The following EXOC6 variants were observed in gnomAD, a reference collection of about 807,000 sequenced individuals.
The protein encoded by EXOC6 is SEC15-like 1.
In EXOC6, 60 loss-of-function variants were observed where a neutral mutation model predicts 112.5. The ratio of observed to expected loss-of-function variants is 0.53; its 90% CI spans 0.43 to 0.66. The LOEUF (loss-of-function observed/expected upper bound fraction) is 0.66. Among genes scored for constraint, EXOC6 ranks in the 30% least tolerant of loss-of-function variants. The pLI is 0.00. For synonymous variants in EXOC6, 295 were observed against 308.0 expected (o/e 0.96, Z 0.44); for missense variants, 855 against 957.1 (o/e 0.89, Z 1.41).
intron 1 of EXOC6, among the ~76,000 whole-genome samples, chr10:92,837,962 G>A (rs1340089545): frequency 6.6e-6 from 1 of 152,188 alleles, no homozygotes; most frequent in African/African-American, 2.4e-5. Context: ...CCTGAACTCT[G>A]TTAGCTTCCT....
intron 20 of EXOC6, among the ~76,000 whole-genome samples, chr10:93,031,868 G>C (rs188761326): frequency 6.7e-4 from 102 of 152,038 alleles, no homozygotes; most frequent in African/African-American, 2.2e-3. Flanking sequence ...TCATAGATTT[G>C]TTTTCTAATA....
At chr10:92,860,532 A>T (rs1847865191) in intron 1 of EXOC6, among the ~76,000 whole-genome samples, 1 of 152,080 alleles carries the variant, frequency 6.6e-6, no homozygotes, top group African/African-American at 2.4e-5. Context: ...AAGTGCTGGG[A>T]TGACAGGCGT....
At chr10:92,861,794 T>C (rs537225673) in intron 1 of EXOC6, among the ~76,000 whole-genome samples, 1 of 152,352 alleles carries the variant, frequency 6.6e-6, no homozygotes, top group East Asian at 1.9e-4. Flanking sequence ...TTTTCCTGTA[T>C]GCTCTTAGGA....
At chr10:92,906,647 T>A (rs965741795) in intron 5 of EXOC6, among the ~76,000 whole-genome samples, 13 of 152,194 alleles carry the variant, frequency 8.5e-5, no homozygotes, top group African/African-American at 2.2e-4. Flanking sequence ...TATAAGGACA[T>A]CATTACCTTA....
rs144527828 is a variant in EXOC6, at chr10:92,993,677, A to G, written c.1954-3797A>G. On this transcript the variant is annotated intron_variant, in intron 18 of 21. Coordinates refer to ENST00000260762, the MANE Select transcript of EXOC6 (RefSeq NM_019053.6). ...TGTGTTTTTACCTTGTTATTTTATG[A>G]TATTTCACAGGAAACAGAGTGTCTT... Among the ~76,000 whole-genome samples the G allele has an allele frequency of 7.9e-5, 12 of 152,296 alleles. No homozygotes were observed. The East Asian group carries it at 2.3e-3, about 29-fold the overall frequency.
At chr10:92,871,385 C>T (rs1196559870) in intron 1 of EXOC6, among the ~76,000 whole-genome samples, 1 of 150,078 alleles carries the variant, frequency 6.7e-6, no homozygotes, top group Non-Finnish European at 1.5e-5. Flanking sequence ...ACCAGATTAG[C>T]TGGACACCTG....
chr10:92,924,901 A>T (rs923610752), intron 8 of EXOC6, among the ~76,000 whole-genome samples: 2 of 152,132 alleles, frequency 1.3e-5, no homozygotes, highest in African/African-American at 4.8e-5. Context: ...GCTCCCACTG[A>T]TGAGTGAGAA....
At chr10:93,010,549 A>T (rs544010529) in intron 19 of EXOC6, among the ~76,000 whole-genome samples, 5 of 152,010 alleles carry the variant, frequency 3.3e-5, no homozygotes, top group Non-Finnish European at 5.9e-5. Flanking sequence ...AAATACAAAA[A>T]TTAGCCGGGC....
intron 19 of EXOC6, among the ~76,000 whole-genome samples, chr10:92,998,122 A>G (rs906335473): frequency 2.0e-5 from 3 of 152,162 alleles, no homozygotes; most frequent in Non-Finnish European, 4.4e-5. Flanking sequence ...TAACAAGGCT[A>G]GCAGATTCCA....
At chr10:92,829,805 C>T (rs1806690), upstream of EXOC6, among the ~76,000 whole-genome samples, 4,179 of 152,244 alleles carry the variant, frequency 0.027, 162 homozygotes, top group East Asian at 0.15. Context: ...AGAAGCCAGC[C>T]AAATCCCACC....
chr10:92,843,487 C>T (rs540048450), upstream of EXOC6, among the ~76,000 whole-genome samples: 1 of 152,230 alleles, frequency 6.6e-6, no homozygotes, highest in Non-Finnish European at 1.5e-5. Flanking sequence ...TAAAGTTTTG[C>T]GAGGATAATG....
At chr10:92,909,325 C>G in intron 5 of EXOC6, 102 bp from the exon 6 acceptor site, 1 of 764,102 alleles carries the variant, frequency 1.3e-6, no homozygotes, top group Non-Finnish European at 2.1e-6. Flanking sequence ...GGACTAGGTC[C>G]TTTTTGATGA....
intron 6 of EXOC6, among the ~76,000 whole-genome samples, chr10:92,912,159 G>A (rs1197665664): frequency 1.3e-5 from 2 of 151,224 alleles, no homozygotes; most frequent in African/African-American, 4.9e-5. Flanking sequence ...TCCCTTTTAC[G>A]GATGGATGGA....
chr10:92,952,481 T>C, intron 15 of EXOC6, 99 bp downstream of exon 15: 1 of 764,758 alleles, frequency 1.3e-6, no homozygotes, highest in Non-Finnish European at 2.2e-6. Context: ...ACTTTTATTT[T>C]AGATTCATGG....
At chr10:93,000,272 C>G (rs187614055) in intron 19 of EXOC6, among the ~76,000 whole-genome samples, 1 of 152,210 alleles carries the variant, frequency 6.6e-6, no homozygotes, top group Non-Finnish European at 1.5e-5. Flanking sequence ...TTTGATTAGA[C>G]AAGTTCAGTT....
At chr10:93,003,490 C>G (rs566695872) in intron 19 of EXOC6, among the ~76,000 whole-genome samples, 1 of 152,194 alleles carries the variant, frequency 6.6e-6, no homozygotes, top group East Asian at 1.9e-4. Flanking sequence ...GGGTGACACA[C>G]GTACCTGTGA....
chr10:92,988,021 T>C (rs1392907418), intron 18 of EXOC6, among the ~76,000 whole-genome samples: 3 of 152,220 alleles, frequency 2.0e-5, no homozygotes, highest in East Asian at 1.9e-4. Context: ...TGGCATATAA[T>C]AAATACTCAA....
upstream of EXOC6, among the ~76,000 whole-genome samples, chr10:92,830,037 G>A (rs1214452907): frequency 6.6e-6 from 1 of 152,154 alleles, no homozygotes; most frequent in African/African-American, 2.4e-5. Context: ...CCCTTGTTTA[G>A]CAAATAATCA....
chr10:92,868,815 CT>C (rs370569114), intron 1 of EXOC6, among the ~76,000 whole-genome samples: 220 of 135,868 alleles, frequency 1.6e-3, no homozygotes, highest in Non-Finnish European at 1.9e-3. Context: ...CTCCCTCCCT[CT>C]TTTTTTTTTT....
Sources: gnomAD v4.1 joint callset for allele counts (sites outside exome capture counted in the v4.1 genomes callset) on GRCh38, gnomAD v4.1.1 for gene constraint, MANE v1.5 for transcripts, NCBI Gene and HGNC (gene_info 2026-07-23, HGNC 2026-07-21) for gene names.